ADAM9: variants seen among roughly 807,000 people sequenced by gnomAD.
The protein encoded by ADAM9 is ADAM metallopeptidase domain 9, also known as disintegrin and metalloproteinase domain-containing protein 9.
Under a neutral mutation model 108.1 loss-of-function variants are expected in ADAM9, and 54 were observed. That is an observed-to-expected ratio of 0.50 (90% CI 0.40 to 0.63). The LOEUF (loss-of-function observed/expected upper bound fraction) is 0.63. Ranked by LOEUF, ADAM9 falls within the 20% of genes least tolerant of loss-of-function variation. The pLI is 0.00. For synonymous variants in ADAM9, 316 were observed against 336.0 expected, an observed-to-expected ratio of 0.94 and a Z score of 0.65; for missense variants, 830 against 997.7, an observed-to-expected ratio of 0.83 and a Z score of 2.26.
chr8:39,045,344 A>ATGTGTGTACATACATATAGG lies in ADAM9; in HGVS notation c.1302+3242_1302+3261dup, dbSNP rs1292261214. Among the ~76,000 whole-genome samples, 13 of 122,848 alleles carry ATGTGTGTACATACATATAGG rather than the reference A, an allele frequency of 1.1e-4. No homozygotes were observed. In the South Asian group the frequency reaches 2.2e-3, roughly 20 times the overall value. The allele number at this position is 122,848 out of a possible 152,430, so 80.6% of individuals were successfully genotyped here. A position where few individuals can be genotyped will look rare whatever the true frequency, so the allele number is the denominator to read the frequency against. ...TATACATGTGTGTGTACACCTATACATGTGTGTACATACATATAGGTGTGT... is the reference window on the plus strand; with the variant it reads ...TATACATGTGTGTGTACACCTATACATGTGTGTACATACATATAGGTGTGTGTACATACATATAGGTGTGT... On this transcript the variant is annotated intron_variant, in intron 12 of 21. Coordinates refer to ENST00000487273, the MANE Select transcript of ADAM9 (RefSeq NM_003816.3).
chr8:39,105,082 A>C lies in ADAM9; in HGVS notation c.*1382A>C, dbSNP rs1439559867. 2.5e-6 allele frequency: 1 copy of C among 404,848 alleles called. No individual in the cohort carries two copies. The highest frequency in any genetic ancestry group is 4.7e-6 in the Non-Finnish European group (1 of 211,766). 25.1% of individuals were successfully genotyped at this position (404,848 alleles called of 1,614,324 possible). On this transcript the variant is annotated 3_prime_UTR_variant, in exon 22 of 22. Coordinates refer to ENST00000487273, the MANE Select transcript of ADAM9 (RefSeq NM_003816.3). Reference sequence around the variant, plus strand: ...AGTTATAATTTTAGATAAAAATTCTAGTCAAATTTTTACAGATATTATCTC... The same window carrying C: ...AGTTATAATTTTAGATAAAAATTCTCGTCAAATTTTTACAGATATTATCTC...
chr8:39,026,215 G>A (rs1254702757), intron 10 of ADAM9, among the ~76,000 whole-genome samples: 1 of 152,010 alleles, frequency 6.6e-6, no homozygotes, highest in Admixed American at 6.6e-5. Flanking sequence ...TTTAAGCCCC[G>A]CATATGTTAG....
chr8:39,023,740 GTTTTTTTTTT>G (rs869059346), intron 9 of ADAM9, among the ~76,000 whole-genome samples: 3 of 78,906 alleles, frequency 3.8e-5, no homozygotes, highest in African/African-American at 5.3e-5. Flanking sequence ...TTTTGCGTTT[GTTTTTTTTTT>G]TTTTTTTTTT....
chr8:39,049,800 G>A (rs964616579), intron 12 of ADAM9, among the ~76,000 whole-genome samples: 31 of 152,028 alleles, frequency 2.0e-4, no homozygotes, highest in African/African-American at 7.0e-4. Context: ...GATTTACCCA[G>A]TACCATTAAC....
chr8:39,020,056 C>T (rs1232504785), intron 7 of ADAM9, among the ~76,000 whole-genome samples: 3 of 152,258 alleles, frequency 2.0e-5, no homozygotes, highest in South Asian at 4.1e-4. Flanking sequence ...GAGGCCGAGG[C>T]GGGCGGATCA....
chr8:39,009,459 G>A (rs781409016), intron 2 of ADAM9, among the ~76,000 whole-genome samples: 40 of 152,180 alleles, frequency 2.6e-4, no homozygotes, highest in Non-Finnish European at 5.3e-4. Context: ...GGCTGGTCTC[G>A]AACTCTTGGC....
At chr8:39,069,090 C>T (rs575668827) in intron 14 of ADAM9, among the ~76,000 whole-genome samples, 43 of 152,260 alleles carry the variant, frequency 2.8e-4, no homozygotes, top group Admixed American at 2.5e-3. Flanking sequence ...AGGAATTCTA[C>T]GGTGTAAAAA....
At chr8:39,031,348 T>C (rs1341652755) in intron 11 of ADAM9, among the ~76,000 whole-genome samples, 3 of 152,238 alleles carry the variant, frequency 2.0e-5, no homozygotes, top group Non-Finnish European at 2.9e-5. Flanking sequence ...TTTGCTCCTT[T>C]GTCAGAGATC....
intron 20 of ADAM9, among the ~76,000 whole-genome samples, chr8:39,097,605 TGTTGTC>T (rs2129443513): frequency 6.6e-6 from 1 of 152,296 alleles, no homozygotes; most frequent in East Asian, 1.9e-4. Context: ...GAGCTTGGCC[TGTTGTC>T]TAGTATTTTA....
intron 14 of ADAM9, among the ~76,000 whole-genome samples, chr8:39,057,180 C>G (rs1838151373): frequency 6.6e-6 from 1 of 151,982 alleles, no homozygotes; most frequent in African/African-American, 2.4e-5. Flanking sequence ...GTAGGCTATA[C>G]CACCTAGGTT....
At chr8:39,061,916 CTG>C (rs1838312331) in intron 14 of ADAM9, among the ~76,000 whole-genome samples, 1 of 151,990 alleles carries the variant, frequency 6.6e-6, no homozygotes, top group African/African-American at 2.4e-5. Context: ...ATACTGTAGA[CTG>C]TGTGGCTTAA....
In ADAM9 at chr8:39,045,385, G is replaced by GGTGTGTCTACACACACCTATATGTGC. The variant is rs1564301209; in HGVS notation, c.1302+3274_1302+3275insCTACACACACCTATATGTGCGTGTGT. Among the ~76,000 whole-genome samples, 61 of 15,950 alleles carry GGTGTGTCTACACACACCTATATGTGC rather than the reference G, an allele frequency of 3.8e-3. 8 individuals carry two copies. The highest frequency in any genetic ancestry group is 7.7e-3 in the East Asian group (2 of 260). The allele number at this position is 15,950 out of a possible 152,430, so 10.5% of individuals were successfully genotyped here. On this transcript the variant is annotated intron_variant, in intron 12 of 21. Transcript: ENST00000487273. ...ATAGGTGTGTGTACATACACCTATA[G>GGTGTGTCTACACACACCTATATGTGC]GTGTGTGTACACACACCTATATGTG...
chr8:39,045,470 G>GTACACACACCTATATGTGCGTGTGTA lies in ADAM9; in HGVS notation c.1302+3358_1302+3383dup, dbSNP rs1164973633. Reference sequence around the variant, plus strand: ...TACACACACCTATATGTGCGTGTGTGTACACACACCTATATGTGCGTGTGT... The same window carrying GTACACACACCTATATGTGCGTGTGTA: ...TACACACACCTATATGTGCGTGTGTGTACACACACCTATATGTGCGTGTGTATACACACACCTATATGTGCGTGTGT... On this transcript the variant is annotated intron_variant, in intron 12 of 21. Coordinates refer to ENST00000487273, the MANE Select transcript of ADAM9 (RefSeq NM_003816.3). Among the ~76,000 whole-genome samples, 21 of 149,068 alleles carry GTACACACACCTATATGTGCGTGTGTA rather than the reference G, an allele frequency of 1.4e-4. 1 individual carries two copies. Among genetic ancestry groups the GTACACACACCTATATGTGCGTGTGTA allele is most frequent in the African/African-American group, 3.5e-4 (14 of 39,958 alleles).
intron 19 of ADAM9, 97 bp downstream of exon 19, chr8:39,090,285 G>GC (rs1156421143): frequency 2.8e-6 from 3 of 1,057,258 alleles, no homozygotes; most frequent in Admixed American, 2.3e-5. Context: ...GATTCCCCCT[G>GC]CCTCAGCCTT....
intron 14 of ADAM9, among the ~76,000 whole-genome samples, chr8:39,068,447 T>G (rs564540543): frequency 2.0e-5 from 3 of 151,528 alleles, no homozygotes; most frequent in East Asian, 1.9e-4. Flanking sequence ...GGCCGAGGCA[T>G]GTGGATTGCC....
At chr8:39,052,549 A>G (rs1588388524) in intron 12 of ADAM9, among the ~76,000 whole-genome samples, 2 of 152,128 alleles carry the variant, frequency 1.3e-5, no homozygotes, top group Non-Finnish European at 2.9e-5. Flanking sequence ...GATCATCATC[A>G]TAGCCCCTCT....
At chr8:39,002,632 G>A (rs1208643045) in intron 1 of ADAM9, among the ~76,000 whole-genome samples, 1 of 152,016 alleles carries the variant, frequency 6.6e-6, no homozygotes, top group Non-Finnish European at 1.5e-5. Flanking sequence ...CAATTAGGTA[G>A]AACTCTTTTA....
intron 14 of ADAM9, among the ~76,000 whole-genome samples, chr8:39,070,005 T>G (rs973464433): frequency 7.2e-6 from 1 of 137,946 alleles, no homozygotes; most frequent in African/African-American, 2.7e-5. Flanking sequence ...AAAAAAAAAT[T>G]AGTCAAGTGT....
At chr8:39,064,552 G>T (rs1034722570) in intron 14 of ADAM9, among the ~76,000 whole-genome samples, 3 of 152,210 alleles carry the variant, frequency 2.0e-5, no homozygotes, top group Non-Finnish European at 4.4e-5. Context: ...TTCCAGTCCA[G>T]ATTTGAAGGC....
Sources: allele counts gnomAD v4.1 joint callset (sites outside exome capture counted in the v4.1 genomes callset), GRCh38; gene constraint gnomAD v4.1.1; transcripts MANE v1.5; gene names NCBI Gene and HGNC (gene_info 2026-07-23, HGNC 2026-07-21).